Variants in TCF7L2 observed in about 807,000 individuals in gnomAD.
TCF7L2 encodes transcription factor 7-like 2.
A neutral mutation model predicts 77.9 loss-of-function variants in TCF7L2; 23 were observed. The ratio of observed to expected loss-of-function variants is 0.30; its 90% CI spans 0.21 to 0.42. The LOEUF is 0.42. TCF7L2 is among the 10% of genes least tolerant of loss of function. The pLI is 1.00. For missense variants in TCF7L2, 654 were observed against 793.1 expected, an observed-to-expected ratio of 0.82 and a Z score of 2.11; for synonymous variants, 413 against 340.2, an observed-to-expected ratio of 1.21 and a Z score of -2.36.
At chr10:113,040,003 C>A in intron 4 of TCF7L2, 22 bp from the exon 5 acceptor site, 1 of 1,603,694 alleles carries the variant, frequency 6.2e-7, no homozygotes, top group South Asian at 1.1e-5. Context: ...TTTTTCATTT[C>A]ACTTTTGTTT....
At chr10:112,985,796 C>T (rs538374996) in intron 4 of TCF7L2, among the ~76,000 whole-genome samples, 3 of 151,710 alleles carry the variant, frequency 2.0e-5, no homozygotes, top group East Asian at 1.9e-4. Context: ...CCAAAAAATG[C>T]TGGTAGAAGT....
chr10:112,985,382 C>T (rs2041287037), intron 4 of TCF7L2, among the ~76,000 whole-genome samples: 1 of 152,102 alleles, frequency 6.6e-6, no homozygotes, highest in Non-Finnish European at 1.5e-5. Flanking sequence ...CATGGGAATT[C>T]ATTTGCTACC....
chr10:113,066,510 G>A (rs142973228), intron 5 of TCF7L2, among the ~76,000 whole-genome samples: 28 of 152,314 alleles, frequency 1.8e-4, no homozygotes, highest in African/African-American at 5.8e-4. Flanking sequence ...TCTTCAAATG[G>A]AGGAAATAAT....
intron 5 of TCF7L2, among the ~76,000 whole-genome samples, chr10:113,056,571 T>C (rs1057117982): frequency 2.6e-5 from 4 of 152,224 alleles, no homozygotes; most frequent in South Asian, 2.1e-4. Flanking sequence ...CCCCATATTA[T>C]TGGGGAGAGG....
intron 5 of TCF7L2, among the ~76,000 whole-genome samples, chr10:113,117,344 G>A (rs866105466): frequency 7.3e-6 from 1 of 136,636 alleles, no homozygotes; most frequent in Non-Finnish European, 1.5e-5. Context: ...GAAATATGTT[G>A]CTACCTTCCT....
chr10:113,061,748 G>A (rs142020454), intron 5 of TCF7L2, among the ~76,000 whole-genome samples: 6 of 152,284 alleles, frequency 3.9e-5, no homozygotes, highest in African/African-American at 7.2e-5. Context: ...TACAGTTCAC[G>A]TTCTGATCTT....
intron 5 of TCF7L2, among the ~76,000 whole-genome samples, chr10:113,110,628 A>T (rs1033754342): frequency 4.6e-5 from 7 of 152,130 alleles, no homozygotes; most frequent in Non-Finnish European, 1.0e-4. Context: ...TGACCCCTAC[A>T]TCTATATATT....
chr10:113,144,091 T>G, intron 7 of TCF7L2, 66 bp downstream of exon 7: 1 of 921,066 alleles, frequency 1.1e-6, no homozygotes, highest in Non-Finnish European at 1.5e-6. Flanking sequence ...ATTTATTCTG[T>G]GTGTGTGTCT....
chr10:113,141,072 A>G (rs913559650), intron 5 of TCF7L2, 112 bp from the exon 6 acceptor site: 2 of 1,387,786 alleles, frequency 1.4e-6, no homozygotes, highest in Middle Eastern at 1.9e-4. Flanking sequence ...AGTGCATCTT[A>G]GAAAATCCAG....
chr10:113,074,795 C>T (rs2058508583), intron 5 of TCF7L2, among the ~76,000 whole-genome samples: 2 of 152,130 alleles, frequency 1.3e-5, no homozygotes. Context: ...AATTTTGTTC[C>T]CCAGGAGACA....
chr10:112,970,373 A>G (rs1284445297), intron 4 of TCF7L2, among the ~76,000 whole-genome samples: 2 of 150,288 alleles, frequency 1.3e-5, no homozygotes, highest in South Asian at 2.1e-4. Context: ...TGGTCTTAGA[A>G]CTCCTCCACC....
chr10:113,147,225 C>T (rs969101153), intron 8 of TCF7L2, among the ~76,000 whole-genome samples: 11 of 152,302 alleles, frequency 7.2e-5, no homozygotes, highest in South Asian at 4.1e-4. Flanking sequence ...AATTAGCATG[C>T]GTTACATGGC....
intron 11 of TCF7L2, among the ~76,000 whole-genome samples, chr10:113,157,017 C>T (rs1405445014): frequency 6.6e-6 from 1 of 152,252 alleles, no homozygotes; most frequent in African/African-American, 2.4e-5. Flanking sequence ...GTGACCCATT[C>T]ATGGGAGGAG....
At position 113,151,400 on chromosome 10, in the gene TCF7L2, T is replaced by A. The variant is rs2070733082; in HGVS notation, c.1001+277T>A. On this transcript the variant is annotated intron_variant, in intron 9 of 13. Coordinates refer to ENST00000627217, the MANE Select transcript of TCF7L2 (RefSeq NM_001146274.2). The surrounding 1 kb of genome is among the most constrained non-coding windows in gnomAD (Gnocchi z 5.2). Reference sequence around the variant, plus strand: ...ACCACTTCCCTGCCCCCTAACCGCATCATTGAACATTTAGAGCTTTGTTCT... The same window carrying A: ...ACCACTTCCCTGCCCCCTAACCGCAACATTGAACATTTAGAGCTTTGTTCT... Among the ~76,000 whole-genome samples, 1 of 152,080 alleles carries A rather than the reference T, an allele frequency of 6.6e-6. No homozygotes were observed. The highest frequency in any genetic ancestry group is 1.5e-5 in the Non-Finnish European group (1 of 68,024).
chr10:112,991,723 C>G (rs2042584069), intron 4 of TCF7L2, among the ~76,000 whole-genome samples: 1 of 152,114 alleles, frequency 6.6e-6, no homozygotes, highest in Non-Finnish European at 1.5e-5. Flanking sequence ...CTGGAGAAGG[C>G]CCCTGTCGGT....
At chr10:113,021,385 A>T (rs1453305121) in intron 4 of TCF7L2, among the ~76,000 whole-genome samples, 1 of 152,216 alleles carries the variant, frequency 6.6e-6, no homozygotes, top group Non-Finnish European at 1.5e-5. Context: ...TTCTGATAAC[A>T]TACTGCATTG....
intron 5 of TCF7L2, among the ~76,000 whole-genome samples, chr10:113,049,113 T>A (rs1336040695): frequency 6.6e-6 from 1 of 152,112 alleles, no homozygotes; most frequent in Non-Finnish European, 1.5e-5. Flanking sequence ...GCAGGTTAGC[T>A]GAGCTGCCCA....
chr10:113,089,733 G>A (rs1007381148), intron 5 of TCF7L2, among the ~76,000 whole-genome samples: 2 of 152,162 alleles, frequency 1.3e-5, no homozygotes, highest in South Asian at 2.1e-4. Context: ...CCATAAAAAC[G>A]CCTGTTTACA....
chr10:113,023,599 G>T (rs1476191166), intron 4 of TCF7L2, among the ~76,000 whole-genome samples: 1 of 152,160 alleles, frequency 6.6e-6, no homozygotes, highest in Non-Finnish European at 1.5e-5. Context: ...AGCCTCCCCA[G>T]TAGCTGGGAC....
Sources: gnomAD v4.1 joint callset for allele counts (sites outside exome capture counted in the v4.1 genomes callset) on GRCh38, gnomAD v4.1.1 for gene constraint, Gnocchi (gnomAD v3.1) non-coding constraint, MANE v1.5 for transcripts, NCBI Gene and HGNC (gene_info 2026-07-23, HGNC 2026-07-21) for gene names.